Variants in ASTN2 observed in about 807,000 individuals in gnomAD.
ASTN2 encodes astrotactin-2.
In ASTN2, 54 loss-of-function variants were observed where a neutral mutation model predicts 139.8. The ratio of observed to expected loss-of-function variants is 0.39; its 90% CI spans 0.31 to 0.48. The LOEUF (loss-of-function observed/expected upper bound fraction) is 0.48. ASTN2 is among the 20% of genes least tolerant of loss of function. The probability of loss-of-function intolerance (pLI) is 0.95; values close to 1 mark genes in which losing one functional copy is unlikely to be tolerated. For missense variants in ASTN2, 1,565 were observed against 1,725.1 expected (o/e 0.91, Z 1.64); for synonymous variants, 756 against 719.5 (o/e 1.05, Z -0.81).
chr9:116,705,450 A>G (rs765674491), intron 16 of ASTN2, among the ~76,000 whole-genome samples: 9 of 152,190 alleles, frequency 5.9e-5, no homozygotes, highest in Non-Finnish European at 8.8e-5. Flanking sequence ...GTGAATGTAT[A>G]TAAGTCAAAT....
At chr9:117,347,680 G>A (rs775138554) in intron 1 of ASTN2, among the ~76,000 whole-genome samples, 1 of 152,102 alleles carries the variant, frequency 6.6e-6, no homozygotes, top group Non-Finnish European at 1.5e-5. Flanking sequence ...ATCAGAAATA[G>A]GTAATAAATT....
intron 20 of ASTN2, among the ~76,000 whole-genome samples, chr9:116,481,789 C>T (rs1367345774): frequency 6.6e-6 from 1 of 152,186 alleles, no homozygotes. Context: ...GTCTTCGGCC[C>T]CCAAGCCTAG....
chr9:116,910,556 T>A (rs4838015), intron 10 of ASTN2, among the ~76,000 whole-genome samples: 1 of 152,122 alleles, frequency 6.6e-6, no homozygotes, highest in Non-Finnish European at 1.5e-5. Context: ...CATTCTGCAA[T>A]CCTCAGTAAC....
chr9:116,912,278 C>T (rs2132422430), intron 10 of ASTN2, among the ~76,000 whole-genome samples: 1 of 152,352 alleles, frequency 6.6e-6, no homozygotes, highest in Non-Finnish European at 1.5e-5. Flanking sequence ...CTGTCTCAAA[C>T]TTTTGGCTTC....
At chr9:116,577,184 G>A (rs16933690) in intron 19 of ASTN2, among the ~76,000 whole-genome samples, 31,759 of 152,112 alleles carry the variant, frequency 0.21, 4,377 homozygotes, top group African/African-American at 0.38. Flanking sequence ...CAGAACTACA[G>A]TGACTTTCAA....
intron 20 of ASTN2, among the ~76,000 whole-genome samples, chr9:116,463,451 T>C (rs78841852): frequency 0.051 from 7,763 of 152,300 alleles, 308 homozygotes; most frequent in East Asian, 0.17. Flanking sequence ...TCAGCCTTCA[T>C]TATATGCTTC....
In ASTN2 at chr9:117,414,501, G is replaced by T. The variant is rs767746162; in HGVS notation, c.438C>A (p.Thr146=). The change falls in exon 1 of 23, where the codon ACC becomes ACA. Residue 146 remains threonine, a synonymous_variant. Coordinates refer to ENST00000313400, the MANE Select transcript of ASTN2 (RefSeq NM_001365068.1). This position sits in a 1 kb window ranked among gnomAD's most constrained non-coding sequence, Gnocchi z 4.2. ...CGTGCCGGCGCCCAGCCTTACCCAGGGTGAAGAAGGGCAGCTCGGTGTTGT... is the reference window on the plus strand; with the variant it reads ...CGTGCCGGCGCCCAGCCTTACCCAGTGTGAAGAAGGGCAGCTCGGTGTTGT... The part of the protein sequence containing the change: ...DLDNTELPFF[T]LEMSGTAADI... The T allele has an allele frequency of 6.2e-7, 1 of 1,608,714 alleles. No individual in the cohort carries two copies. Among genetic ancestry groups the T allele is most frequent in the Non-Finnish European group, 8.5e-7 (1 of 1,178,030 alleles).
intron 16 of ASTN2, among the ~76,000 whole-genome samples, chr9:116,657,645 A>G (rs1858297735): frequency 6.6e-6 from 1 of 152,170 alleles, no homozygotes; most frequent in South Asian, 2.1e-4. Flanking sequence ...GTTTGAAACC[A>G]GCCTGGCCAA....
chr9:117,266,603 T>C (rs1241932493), intron 2 of ASTN2, among the ~76,000 whole-genome samples: 1 of 152,222 alleles, frequency 6.6e-6, no homozygotes, highest in Non-Finnish European at 1.5e-5. Context: ...CCTAGATAAC[T>C]ACACTGACCC....
intron 11 of ASTN2, among the ~76,000 whole-genome samples, chr9:116,841,196 G>A (rs1229265507): frequency 6.6e-6 from 1 of 152,236 alleles, no homozygotes; most frequent in Non-Finnish European, 1.5e-5. Context: ...CCAACACAGC[G>A]AATCCCAGTC....
At position 117,188,485 on chromosome 9, in the gene ASTN2, C is replaced by T. The variant is rs1831264787; in HGVS notation, c.1015+25873G>A. ...ATCATCTCCATTTTCCAGTCACTGGCCTCTACTTCAGTATGGAATAGCAGC... is the reference window on the plus strand; with the variant it reads ...ATCATCTCCATTTTCCAGTCACTGGTCTCTACTTCAGTATGGAATAGCAGC... On this transcript the variant is annotated intron_variant, in intron 3 of 22. Coordinates refer to ENST00000313400, the MANE Select transcript of ASTN2 (RefSeq NM_001365068.1). Among the ~76,000 whole-genome samples, 3 of 152,106 alleles carry T rather than the reference C, an allele frequency of 2.0e-5. No homozygotes were observed. In the South Asian group the frequency reaches 6.2e-4, roughly 32 times the overall value.
chr9:117,126,909 A>G (rs1413147040), intron 4 of ASTN2, among the ~76,000 whole-genome samples: 4 of 152,230 alleles, frequency 2.6e-5, no homozygotes, highest in Non-Finnish European at 4.4e-5. Flanking sequence ...TTCAGCTGAA[A>G]GAATAATGAA....
chr9:116,536,704 C>T (rs533255954), intron 19 of ASTN2, among the ~76,000 whole-genome samples: 320 of 152,296 alleles, frequency 2.1e-3, no homozygotes, highest in African/African-American at 7.2e-3. Flanking sequence ...GCGGCCTGAT[C>T]GTTCCTCTGG....
intron 10 of ASTN2, among the ~76,000 whole-genome samples, chr9:116,901,266 C>G (rs1834004271): frequency 6.6e-6 from 1 of 152,100 alleles, no homozygotes; most frequent in African/African-American, 2.4e-5. Context: ...GGCTTACACC[C>G]ATAAGGAGGC....
At chr9:116,814,283 T>C (rs1444953319) in intron 12 of ASTN2, among the ~76,000 whole-genome samples, 1 of 152,130 alleles carries the variant, frequency 6.6e-6, no homozygotes, top group Non-Finnish European at 1.5e-5. Context: ...TTCTAACTGA[T>C]ATCATGGGAA....
At chr9:117,071,710 A>G (rs10759895) in intron 5 of ASTN2, among the ~76,000 whole-genome samples, 57,196 of 138,628 alleles carry the variant, frequency 0.41, 12,279 homozygotes, top group East Asian at 0.62. Context: ...ATATAGTCTC[A>G]TGGTGCGCCG....
chr9:116,875,805 A>G (rs1046473947), intron 10 of ASTN2, among the ~76,000 whole-genome samples: 1 of 152,266 alleles, frequency 6.6e-6, no homozygotes, highest in Admixed American at 6.5e-5. Flanking sequence ...TAAATAGAAC[A>G]GCAAAGCCTG....
At chr9:116,430,353 G>A (rs944329114) in intron 22 of ASTN2, among the ~76,000 whole-genome samples, 1 of 152,206 alleles carries the variant, frequency 6.6e-6, no homozygotes, top group Admixed American at 6.5e-5. Context: ...TGAAGATGAA[G>A]TGTTGGCTCT....
At chr9:116,479,661 C>A (rs2119049538) in intron 20 of ASTN2, among the ~76,000 whole-genome samples, 1 of 152,262 alleles carries the variant, frequency 6.6e-6, no homozygotes, top group South Asian at 2.1e-4. Flanking sequence ...ACCCCACATA[C>A]AATTGTGTGT....
Sources: gnomAD v4.1 joint callset for allele counts (sites outside exome capture counted in the v4.1 genomes callset) on GRCh38, gnomAD v4.1.1 for gene constraint, Gnocchi (gnomAD v3.1) non-coding constraint, MANE v1.5 for transcripts, NCBI Gene and HGNC (gene_info 2026-07-23, HGNC 2026-07-21) for gene names.